The following APOBEC1 variants were observed in gnomAD, a reference collection of about 807,000 sequenced individuals.
The protein encoded by APOBEC1 is apolipoprotein B mRNA editing enzyme catalytic subunit 1, also known as C->U-editing enzyme APOBEC-1.
A neutral mutation model predicts 26.3 loss-of-function variants in APOBEC1; 22 were observed. That is an observed-to-expected ratio of 0.84 (90% CI 0.60 to 1.19). APOBEC1 has a LOEUF of 1.19. Among genes scored for constraint, APOBEC1 ranks in the 50% most tolerant of loss-of-function variants. APOBEC1 has a pLI of 0.00. For synonymous variants in APOBEC1, 77 were observed against 95.3 expected, an observed-to-expected ratio of 0.81 and a Z score of 1.12; for missense variants, 253 against 289.0, an observed-to-expected ratio of 0.88 and a Z score of 0.90.
intron 1 of APOBEC1, among the ~76,000 whole-genome samples, chr12:7,660,395 A>AGAAAGAAG (rs1565442472): frequency 9.9e-4 from 49 of 49,432 alleles, no homozygotes; most frequent in Middle Eastern, 0.017. Context: ...AAAGAAAGAA[A>AGAAAGAAG]GAAAGAAAGA....
intron 1 of APOBEC1, among the ~76,000 whole-genome samples, chr12:7,660,375 G>GGAAA (rs1555094885): frequency 3.4e-3 from 81 of 23,962 alleles, no homozygotes; most frequent in Admixed American, 0.016. Context: ...AAGGAAGGAA[G>GGAAA]GAAAGAAAGA....
At chr12:7,660,395 A>AGAAAGAAAGAAAGAAAGAAAGAAG (rs1555094928) in intron 1 of APOBEC1, among the ~76,000 whole-genome samples, 1,509 of 49,030 alleles carry the variant, frequency 0.031, 228 homozygotes, top group Non-Finnish European at 0.068. Context: ...AAAGAAAGAA[A>AGAAAGAAAGAAAGAAAGAAAGAAG]GAAAGAAAGA....
At chr12:7,654,425 G>T (rs1183444719) in intron 2 of APOBEC1, among the ~76,000 whole-genome samples, 180 bp downstream of exon 2, 4 of 142,934 alleles carry the variant, frequency 2.8e-5, no homozygotes, top group Non-Finnish European at 6.0e-5. Context: ...CGGCTGCAGT[G>T]CAGTGGTGCA....
chr12:7,650,219 A>C (rs1235918267), intron 4 of APOBEC1, among the ~76,000 whole-genome samples: 1 of 152,220 alleles, frequency 6.6e-6, no homozygotes, highest in Non-Finnish European at 1.5e-5. Flanking sequence ...AGTAGAGCCA[A>C]TATGTGTTGT....
upstream of APOBEC1, among the ~76,000 whole-genome samples, chr12:7,670,357 G>A (rs975508069): frequency 7.1e-6 from 1 of 141,798 alleles, no homozygotes; most frequent in South Asian, 2.3e-4. Context: ...GTGGATACAA[G>A]CTTTGTCATA....
upstream of APOBEC1, among the ~76,000 whole-genome samples, chr12:7,669,485 T>G (rs930021699): frequency 2.0e-5 from 3 of 152,194 alleles, no homozygotes; most frequent in South Asian, 6.2e-4. Context: ...TGTAAACATG[T>G]CTCTTTTTCT....
At chr12:7,659,351 G>GATA (rs1863771101) in intron 1 of APOBEC1, among the ~76,000 whole-genome samples, 1 of 69,468 alleles carries the variant, frequency 1.4e-5, no homozygotes. Context: ...ATATATATAT[G>GATA]TTTATATTTG....
intron 1 of APOBEC1, among the ~76,000 whole-genome samples, chr12:7,664,429 C>T (rs1220965286): frequency 2.0e-5 from 3 of 152,198 alleles, no homozygotes; most frequent in East Asian, 1.9e-4. Context: ...GCCTGGCATT[C>T]GAAGTCCTCT....
At chr12:7,660,367 G>GAAAGAAAAAGAAAGAAAGAAAGAAAGAAA (rs1565442341) in intron 1 of APOBEC1, among the ~76,000 whole-genome samples, 24 of 16,808 alleles carry the variant, frequency 1.4e-3, no homozygotes, top group African/African-American at 5.0e-3. Context: ...AAGGAAGGAA[G>GAAAGAAAAAGAAAGAAAGAAAGAAAGAAA]GAAGGAAGGA....
chr12:7,652,657 CTCTT>C lies in APOBEC1; in HGVS notation c.219_222del (p.Arg74IlefsTer6), dbSNP rs767868687. The C allele has an allele frequency of 1.9e-6, 3 of 1,614,128 alleles. No homozygotes were observed. Among genetic ancestry groups the C allele is most frequent in the Non-Finnish European group, 2.5e-6 (3 of 1,180,000 alleles). ...GAGCAGCTCATGGATGGGTGAAAAT[CTCTT>C]TCTGACGTAAATTTTTTTATAAAAT... On this transcript the variant is annotated frameshift_variant, in exon 3 of 5. Transcript: ENST00000229304. LOFTEE classifies it high-confidence loss of function.
Position 7,658,406 on chromosome 12 carries a change from G to C in APOBEC1, c.17-3774C>G, listed in dbSNP as rs759180326. Among the ~76,000 whole-genome samples the C allele has an allele frequency of 3.2e-4, 49 of 152,266 alleles. No individual in the cohort carries two copies. The South Asian group carries it at 8.3e-3, about 26-fold the overall frequency. On this transcript the variant is annotated intron_variant, in intron 1 of 4. Transcript: ENST00000229304. ...TCAGGTTTGATAGATGATTAAATAGGTGTTGGAGTCCTTGGTTACAGGTAC... is the reference window on the plus strand; with the variant it reads ...TCAGGTTTGATAGATGATTAAATAGCTGTTGGAGTCCTTGGTTACAGGTAC...
rs1311672013 is a variant in APOBEC1 at position 7,656,042 on chromosome 12, G to T, written c.17-1410C>A. Among the ~76,000 whole-genome samples the T allele has an allele frequency of 2.0e-5, 3 of 151,838 alleles. No homozygotes were observed. The East Asian group carries it at 5.8e-4, about 29-fold the overall frequency. On this transcript the variant is annotated intron_variant, in intron 1 of 4. Transcript: ENST00000229304. ...TGTGGAGGCGTGTTCTCTCTGTGTT[G>T]CCCAGGTTGGTCTCAAACTCCTGAG... is the stretch of plus-strand genomic sequence containing the variant.
chr12:7,654,372 CT>C (rs373055650), intron 2 of APOBEC1, among the ~76,000 whole-genome samples: 130 of 136,570 alleles, frequency 9.5e-4, no homozygotes, highest in Admixed American at 1.2e-3. Context: ...TCCACAGTTC[CT>C]TTTTTTTTTT....
intron 1 of APOBEC1, among the ~76,000 whole-genome samples, chr12:7,660,330 GGAAGGGAA>G (rs1487008361): frequency 6.9e-4 from 79 of 114,594 alleles, no homozygotes; most frequent in East Asian, 2.5e-3. Context: ...AAGGAAGGAA[GGAAGGGAA>G]GGAAGGAAGG....
chr12:7,658,209 A>G (rs1863743722), intron 1 of APOBEC1, among the ~76,000 whole-genome samples: 1 of 152,114 alleles, frequency 6.6e-6, no homozygotes, highest in African/African-American at 2.4e-5. Flanking sequence ...GATTACAGGC[A>G]TGTGTCACCA....
intron 1 of APOBEC1, among the ~76,000 whole-genome samples, chr12:7,660,379 A>AAGGAAGGAAGGAAG (rs1565442397): frequency 1.1e-4 from 3 of 27,648 alleles, no homozygotes; most frequent in African/African-American, 1.6e-4. Flanking sequence ...AAGGAAGGAA[A>AAGGAAGGAAGGAAG]GAAAGAAAGA....
intron 1 of APOBEC1, among the ~76,000 whole-genome samples, chr12:7,658,168 A>G (rs1332383460): frequency 6.6e-6 from 1 of 152,090 alleles, no homozygotes; most frequent in Non-Finnish European, 1.5e-5. Flanking sequence ...GGTTCAAGTG[A>G]TTCTCGTGCC....
chr12:7,665,159 T>C (rs1454867123), intron 1 of APOBEC1, among the ~76,000 whole-genome samples: 2 of 152,228 alleles, frequency 1.3e-5, no homozygotes, highest in Non-Finnish European at 2.9e-5. Context: ...TCCTCTCCCA[T>C]GCATTTTTCT....
chr12:7,662,354 G>T (rs61937011), intron 1 of APOBEC1, among the ~76,000 whole-genome samples: 30 of 152,056 alleles, frequency 2.0e-4, no homozygotes, highest in Non-Finnish European at 5.9e-5. Context: ...AGGCCAAGGC[G>T]GGTGGATCAC....
Sources: gnomAD v4.1 joint callset for allele counts (sites outside exome capture counted in the v4.1 genomes callset) on GRCh38, gnomAD v4.1.1 for gene constraint, MANE v1.5 for transcripts, NCBI Gene and HGNC (gene_info 2026-07-23, HGNC 2026-07-21) for gene names.